Variants in ZHX1 observed in about 807,000 individuals in gnomAD.
The protein encoded by ZHX1 is zinc fingers and homeoboxes 1.
A neutral mutation model predicts 61.8 loss-of-function variants in ZHX1; 20 were observed. That is an observed-to-expected ratio of 0.32 (90% CI 0.23 to 0.47). The LOEUF (loss-of-function observed/expected upper bound fraction) is 0.47, where lower values mean the gene tolerates loss of function less well. ZHX1 is among the 20% of genes least tolerant of loss of function. The probability of loss-of-function intolerance (pLI) is 1.00; values close to 1 mark genes in which losing one functional copy is unlikely to be tolerated. For synonymous variants in ZHX1, 318 were observed against 352.6 expected, an observed-to-expected ratio of 0.90 and a Z score of 1.10; for missense variants, 800 against 1,034.8, an observed-to-expected ratio of 0.77 and a Z score of 3.11.
chr8:123,251,192 C>T (rs769575854), intron 3 of ZHX1, among the ~76,000 whole-genome samples: 2 of 152,050 alleles, frequency 1.3e-5, no homozygotes, highest in Non-Finnish European at 2.9e-5. Flanking sequence ...CTCTCCTGTT[C>T]GGTCATGGTG....
In ZHX1 at chr8:123,255,189, G is replaced by A. The variant is rs1443716738; in HGVS notation, c.758C>T (p.Pro253Leu). Residue 253 changes from proline to leucine, a missense_variant, in exon 3 of 4, where the codon CCA becomes CTA. Physicochemically the swap from Pro to Leu is moderately conservative, Grantham distance 98 (BLOSUM62 -3). Coordinates refer to ENST00000395571, the MANE Select transcript of ZHX1 (RefSeq NM_007222.5). The part of the protein sequence containing the change: ...HPSTASTVVT[P>L]AAVLPGLAQV... ...TGCCAATCCAGGAAGAACTGCTGCT[G>A]GTGTCACTACCGTGCTGGCAGTACT... The A allele has an allele frequency of 1.2e-5, 20 of 1,614,024 alleles. No homozygotes were observed. Among genetic ancestry groups the A allele is most frequent in the Non-Finnish European group, 1.6e-5 (19 of 1,180,008 alleles).
At chr8:123,265,215 G>A (rs963346648) in intron 2 of ZHX1, among the ~76,000 whole-genome samples, 3 of 149,268 alleles carry the variant, frequency 2.0e-5, no homozygotes, top group African/African-American at 4.9e-5. Flanking sequence ...AGAGCATTTA[G>A]AAGATACTAT....
rs1031889094 is a variant in ZHX1, at chr8:123,267,328, T to A, written c.-281A>T. The A allele has an allele frequency of 5.3e-6, 8 of 1,521,018 alleles. No homozygotes were observed. The highest frequency in any genetic ancestry group is 7.0e-6 in the Non-Finnish European group (8 of 1,136,558). 94.2% of individuals were successfully genotyped at this position (1,521,018 alleles called of 1,614,324 possible). The stretch of plus-strand genomic sequence containing the variant: ...TGAAATGGAAGGGTATCCCTTCTAG[T>A]TAGATGTTTAGCTCAGGCCATCATT... On this transcript the variant is annotated 5_prime_UTR_variant, in exon 2 of 4. Transcript: ENST00000395571.
chr8:123,250,493 GTTC>G (rs1449818508), intron 3 of ZHX1, among the ~76,000 whole-genome samples, 173 bp from the exon 4 acceptor site: 1 of 152,104 alleles, frequency 6.6e-6, no homozygotes, highest in Non-Finnish European at 1.5e-5. Context: ...CTATGTATAT[GTTC>G]TTCATATGCT....
chr8:123,274,424 C>G (rs1826775472), upstream of ZHX1: 2 of 152,126 alleles, frequency 1.3e-5, no homozygotes, highest in Admixed American at 1.3e-4. Flanking sequence ...GCCCCAGCGG[C>G]CGTCCGGGGG....
In ZHX1 at chr8:123,253,849, C is replaced by A. The variant is rs1825985584; in HGVS notation, c.2098G>T (p.Ala700Ser). 1 of 1,614,226 alleles carries A rather than the reference C, an allele frequency of 6.2e-7. No individual in the cohort carries two copies. The highest frequency in any genetic ancestry group is 8.5e-7 in the Non-Finnish European group (1 of 1,180,040). ...YDKLAKESGLARTDIVSWFGD... is the reference protein window; with the variant it reads ...YDKLAKESGLSRTDIVSWFGD... ...AACCAACTAACTATGTCTGTTCTAG[C>A]AAGCCCGCTTTCTTTGGCCAACTTG... is the stretch of plus-strand genomic sequence containing the variant. The change falls in exon 3 of 4, where the codon GCT (alanine) becomes TCT (serine). Residue 700 changes from alanine to serine, a missense_variant. Physicochemically the swap from Ala to Ser is moderately conservative, Grantham distance 99. Transcript: ENST00000395571.
chr8:123,250,640 T>G (rs1825891687), intron 3 of ZHX1, among the ~76,000 whole-genome samples: 1 of 152,238 alleles, frequency 6.6e-6, no homozygotes, highest in South Asian at 2.1e-4. Flanking sequence ...TTTTTTCTAT[T>G]TCTATACAAG....
In ZHX1 at chr8:123,253,927, T is replaced by G. The variant is rs759506087; in HGVS notation, c.2020A>C (p.Met674Leu). The change falls in exon 3 of 4, where the codon ATG becomes CTG. Residue 674 changes from methionine to leucine, a missense_variant. Met to Leu is a conservative substitution (Grantham distance 15). Transcript: ENST00000395571. ...GTCCGGACAAATGCACTCTTAAGCA[T>G]GTGCAGCTGCTCAGGTGTTTTTTTA... ...ICKKTPEQLHMLKSAFVRTQW... is the reference protein window; with the variant it reads ...ICKKTPEQLHLLKSAFVRTQW... 1.1e-5 allele frequency: 17 copies of G among 1,614,234 alleles called. No homozygotes were observed. Among genetic ancestry groups the G allele is most frequent in the Non-Finnish European group, 1.4e-5 (17 of 1,180,028 alleles).
In ZHX1 at chr8:123,254,295, G is replaced by T. The variant is rs1296337691; in HGVS notation, c.1652C>A (p.Thr551Asn). ...TTGCTTAGGCTGTGCAGTACCAACA[G>T]TTGGGGATTCCGTGGTTTCATCACT... ...DSSDETTESP[T>N]VGTAQPKQSW... Residue 551 changes from threonine to asparagine, a missense_variant, in exon 3 of 4, where the codon ACT becomes AAT. Coordinates refer to ENST00000395571, the MANE Select transcript of ZHX1 (RefSeq NM_007222.5). The surrounding 1 kb of genome is among the most constrained non-coding windows in gnomAD (Gnocchi z 4.1). The T allele has an allele frequency of 6.2e-7, 1 of 1,614,036 alleles. No individual in the cohort carries two copies. The highest frequency in any genetic ancestry group is 1.3e-5 in the African/African-American group (1 of 74,926).
chr8:123,259,809 G>C (rs957114713), intron 2 of ZHX1, among the ~76,000 whole-genome samples: 1 of 152,184 alleles, frequency 6.6e-6, no homozygotes, highest in Non-Finnish European at 1.5e-5. Flanking sequence ...GTTTTAAGCA[G>C]GGGAGCCCTT....
intron 1 of ZHX1, among the ~76,000 whole-genome samples, chr8:123,272,709 C>T (rs1341793528): frequency 1.3e-5 from 2 of 152,172 alleles, no homozygotes; most frequent in Non-Finnish European, 2.9e-5. Context: ...ATGACCAACA[C>T]CAGCAAATCT....
intron 2 of ZHX1, among the ~76,000 whole-genome samples, chr8:123,263,650 G>A (rs1218649455): frequency 6.6e-6 from 1 of 152,040 alleles, no homozygotes; most frequent in Non-Finnish European, 1.5e-5. Context: ...TGGTCAACGT[G>A]GTAAAACCCT....
Position 123,255,146 on chromosome 8 carries a change from T to C in ZHX1, c.801A>G (p.Val267=). 1 of 1,614,204 alleles carries C rather than the reference T, an allele frequency of 6.2e-7. No homozygotes were observed. The highest frequency in any genetic ancestry group is 1.1e-5 in the South Asian group (1 of 91,086). Residue 267 remains valine, a synonymous_variant, in exon 3 of 4, where the codon GTA becomes GTG. Coordinates refer to ENST00000395571, the MANE Select transcript of ZHX1 (RefSeq NM_007222.5). The part of the protein sequence containing the change: ...LPGLAQVITA[V]SAQQNSNLIP... ...TCAAATTAGAATTCTGCTGAGCAGATACAGCAGTTATCACCTGTGCCAATC... is the reference window on the plus strand; with the variant it reads ...TCAAATTAGAATTCTGCTGAGCAGACACAGCAGTTATCACCTGTGCCAATC...
At position 123,250,131 on chromosome 8, in the gene ZHX1, C is replaced by A; in HGVS notation, c.*193G>T. 2.5e-6 allele frequency: 1 copy of A among 402,734 alleles called. No individual in the cohort carries two copies. Among genetic ancestry groups the A allele is most frequent in the Non-Finnish European group, 4.9e-6 (1 of 202,744 alleles). The allele number at this position is 402,734 out of a possible 1,614,324, so 24.9% of individuals were successfully genotyped here. On this transcript the variant is annotated 3_prime_UTR_variant, in exon 4 of 4. Transcript: ENST00000395571. ...TTTAATTAGTGTTCTATTTACATTG[C>A]AGAACTTCCACCAACTGCAGTAGTT...
At chr8:123,270,357 AAG>A (rs1469149505) in intron 1 of ZHX1, among the ~76,000 whole-genome samples, 1 of 152,162 alleles carries the variant, frequency 6.6e-6, no homozygotes. Context: ...AATTTAATGA[AAG>A]AGTTATTTTA....
upstream of ZHX1, among the ~76,000 whole-genome samples, chr8:123,274,787 C>A (rs1168271392): frequency 6.6e-6 from 1 of 152,162 alleles, no homozygotes; most frequent in Non-Finnish European, 1.5e-5. Flanking sequence ...CCCCGCCTTC[C>A]TTGCGCTCCG....
chr8:123,254,975 T>C lies in ZHX1; in HGVS notation c.972A>G (p.Thr324=), dbSNP rs1563809505. 1.9e-6 allele frequency: 3 copies of C among 1,614,236 alleles called. No individual in the cohort carries two copies. Among genetic ancestry groups the C allele is most frequent in the East Asian group, 2.2e-5 (1 of 44,888 alleles). Reference sequence around the variant, plus strand: ...AAAACCATATCTTGATCTGTTCCTCTGTATATTTTGCTTGAGCAGAAAGAA... The same window carrying C: ...AAAACCATATCTTGATCTGTTCCTCCGTATATTTTGCTTGAGCAGAAAGAA... The part of the protein sequence containing the change: ...ITVLSAQAKY[T]EEQIKIWFSA... Residue 324 remains threonine (T), a synonymous_variant, in exon 3 of 4, where the codon ACA becomes ACG. Transcript: ENST00000395571. The surrounding 1 kb of genome is among the most constrained non-coding windows in gnomAD (Gnocchi z 4.1).
In ZHX1 at chr8:123,249,301, GAGTTAAC is replaced by G. The variant is rs1183676309; in HGVS notation, c.*1016_*1022del. ...AACTTTCAGTCTCCTGATACGGCAA[GAGTTAAC>G]AGTTAACACTCCCATGATTCATAAG... On this transcript the variant is annotated 3_prime_UTR_variant, in exon 4 of 4. Coordinates refer to ENST00000395571, the MANE Select transcript of ZHX1 (RefSeq NM_007222.5). The G allele has an allele frequency of 1.3e-5, 2 of 152,130 alleles. No individual in the cohort carries two copies. The highest frequency in any genetic ancestry group is 1.3e-4 in the Admixed American group (2 of 15,276). The allele number at this position is 152,130 out of a possible 1,614,324, so 9.4% of individuals were successfully genotyped here.
intron 1 of ZHX1, among the ~76,000 whole-genome samples, chr8:123,272,587 G>C (rs1826692094): frequency 6.6e-6 from 1 of 152,042 alleles, no homozygotes; most frequent in Non-Finnish European, 1.5e-5. Flanking sequence ...GCTCACCTTC[G>C]CTCCCGACAT....
Sources: allele counts gnomAD v4.1 joint callset (sites outside exome capture counted in the v4.1 genomes callset), GRCh38; gene constraint gnomAD v4.1.1; non-coding constraint Gnocchi (gnomAD v3.1); transcripts MANE v1.5; gene names NCBI Gene and HGNC (gene_info 2026-07-23, HGNC 2026-07-21).